Variants in KIZ observed in about 807,000 individuals in gnomAD.
KIZ encodes the protein centrosomal protein kizuna.
KIZ carries 68 observed loss-of-function variants against 79.6 expected under a neutral mutation model. That is an observed-to-expected ratio of 0.85 (90% CI 0.70 to 1.05). The LOEUF (loss-of-function observed/expected upper bound fraction) is 1.05. Among genes scored for constraint, KIZ ranks in the 50% least tolerant of loss-of-function variants. The pLI is 0.00. For missense variants in KIZ, 797 were observed against 800.4 expected (o/e 1.00, Z 0.05); for synonymous variants, 280 against 281.8 (o/e 0.99, Z 0.06).
intron 6 of KIZ, chr20:21,197,551 G>A (rs1347511899): frequency 1.3e-5 from 2 of 152,194 alleles, no homozygotes; most frequent in Non-Finnish European, 2.9e-5. Flanking sequence ...TGTCATTCAG[G>A]TGGAATGTGG....
intron 11 of KIZ, among the ~76,000 whole-genome samples, chr20:21,239,292 C>G (rs1343133290): frequency 6.6e-6 from 1 of 152,238 alleles, no homozygotes; most frequent in Non-Finnish European, 1.5e-5. Flanking sequence ...CAGGCACATG[C>G]TGTGGCAGGG....
intron 6 of KIZ, chr20:21,166,606 G>A (rs953280658): frequency 7.2e-5 from 85 of 1,178,938 alleles, no homozygotes; most frequent in Non-Finnish European, 1.0e-4. Flanking sequence ...TTGTGGCGGT[G>A]CGGAAAGAGC....
chr20:21,132,320 T>G (rs2031906097), intron 2 of KIZ, among the ~76,000 whole-genome samples, 161 bp downstream of exon 2: 1 of 152,252 alleles, frequency 6.6e-6, no homozygotes, highest in African/African-American at 2.4e-5. Flanking sequence ...TCGCTCAGGC[T>G]GGAGTGCAGT....
At chr20:21,192,259 A>AT (rs1167443495) in intron 6 of KIZ, among the ~76,000 whole-genome samples, 1 of 139,126 alleles carries the variant, frequency 7.2e-6, no homozygotes, top group African/African-American at 2.7e-5. Context: ...AAATGATACC[A>AT]TTTTGTTGTT....
At chr20:21,185,062 T>TTGTGTGTGTGTGTGTGTGTG (rs144332345) in intron 6 of KIZ, among the ~76,000 whole-genome samples, 3 of 151,402 alleles carry the variant, frequency 2.0e-5, no homozygotes, top group African/African-American at 7.3e-5. Context: ...AAAAAAATAA[T>TTGTGTGTGTGTGTGTGTGTG]TGTGTGTGTG....
intron 4 of KIZ, chr20:21,158,563 A>G (rs2122641054): frequency 6.6e-6 from 1 of 152,338 alleles, no homozygotes; most frequent in Middle Eastern, 3.4e-3. Flanking sequence ...TTAAAATTGG[A>G]TATAATAAAA....
At chr20:21,137,707 G>C (rs1307972729) in intron 3 of KIZ, among the ~76,000 whole-genome samples, 2 of 151,914 alleles carry the variant, frequency 1.3e-5, no homozygotes, top group Non-Finnish European at 2.9e-5. Flanking sequence ...CTTGAGCGTG[G>C]ATCTCCTAAA....
intron 3 of KIZ, among the ~76,000 whole-genome samples, chr20:21,141,842 CTCTCTCTGTGTTTG>C (rs1477079684): frequency 6.6e-6 from 1 of 151,024 alleles, no homozygotes; most frequent in African/African-American, 2.5e-5. Context: ...CTCTCTCTCT[CTCTCTCTGTGTTTG>C]TCTCTCTCAC....
chr20:21,180,849 T>C (rs891375042), intron 6 of KIZ, among the ~76,000 whole-genome samples: 1 of 152,088 alleles, frequency 6.6e-6, no homozygotes, highest in Non-Finnish European at 1.5e-5. Flanking sequence ...ATAATTCCAG[T>C]CCCTTTATTC....
At chr20:21,157,836 C>G (rs1210523142) in intron 4 of KIZ, among the ~76,000 whole-genome samples, 1 of 152,190 alleles carries the variant, frequency 6.6e-6, no homozygotes, top group East Asian at 1.9e-4. Flanking sequence ...GCCATGTCCT[C>G]CCTGTGCTGG....
At chr20:21,184,204 A>G (rs750905570) in intron 6 of KIZ, among the ~76,000 whole-genome samples, 8 of 149,902 alleles carry the variant, frequency 5.3e-5, no homozygotes, top group Non-Finnish European at 1.0e-4. Context: ...CTAGAGTGCA[A>G]TGGTGCGATC....
chr20:21,220,095 A>G (rs1172488335), intron 9 of KIZ, among the ~76,000 whole-genome samples: 1 of 150,574 alleles, frequency 6.6e-6, no homozygotes, highest in Non-Finnish European at 1.5e-5. Flanking sequence ...AATAAGTAGT[A>G]TATAATTAGA....
intron 3 of KIZ, among the ~76,000 whole-genome samples, chr20:21,141,049 A>G (rs1244627112): frequency 2.6e-5 from 4 of 152,070 alleles, no homozygotes; most frequent in African/African-American, 9.7e-5. Context: ...AAAAAACCCA[A>G]GAATGTAAAT....
intron 6 of KIZ, among the ~76,000 whole-genome samples, chr20:21,176,956 A>G (rs2034463109): frequency 6.6e-6 from 1 of 152,246 alleles, no homozygotes; most frequent in Non-Finnish European, 1.5e-5. Context: ...TTTTTAAGGC[A>G]GAATAATATT....
chr20:21,137,420 A>G (rs771069616), intron 3 of KIZ, among the ~76,000 whole-genome samples: 6 of 151,144 alleles, frequency 4.0e-5, no homozygotes, highest in Non-Finnish European at 8.8e-5. Flanking sequence ...CACTGGTCAC[A>G]GGAGGAGTTG....
intron 11 of KIZ, among the ~76,000 whole-genome samples, chr20:21,238,931 C>T (rs1365441812): frequency 6.6e-6 from 1 of 152,226 alleles, no homozygotes; most frequent in Non-Finnish European, 1.5e-5. Context: ...CCTGCCTTCC[C>T]TCCATCTGTC....
At chr20:21,147,074 C>T (rs2032885531) in intron 4 of KIZ, among the ~76,000 whole-genome samples, 1 of 152,098 alleles carries the variant, frequency 6.6e-6, no homozygotes, top group Admixed American at 6.5e-5. Context: ...CTTTCTATGC[C>T]ATTCTTGATA....
At chr20:21,128,894 G>A (rs1349683344) in intron 1 of KIZ, among the ~76,000 whole-genome samples, 3 of 152,138 alleles carry the variant, frequency 2.0e-5, no homozygotes, top group Non-Finnish European at 2.9e-5. Flanking sequence ...TTGTGGTATC[G>A]AGACAAAAAC....
At chr20:21,130,427 A>G (rs2031767802) in intron 1 of KIZ, among the ~76,000 whole-genome samples, 1 of 152,218 alleles carries the variant, frequency 6.6e-6, no homozygotes, top group Admixed American at 6.5e-5. Flanking sequence ...CACACTATCC[A>G]GTCATTCATT....
Sources: gnomAD v4.1 joint callset for allele counts (sites outside exome capture counted in the v4.1 genomes callset) on GRCh38, gnomAD v4.1.1 for gene constraint, MANE v1.5 for transcripts, NCBI Gene and HGNC (gene_info 2026-07-23, HGNC 2026-07-21) for gene names.